LRRC4C: variants seen among roughly 807,000 people sequenced by gnomAD.
The protein encoded by LRRC4C is leucine rich repeat containing 4C.
In LRRC4C, 5 loss-of-function variants were observed where a neutral mutation model predicts 33.6. The ratio of observed to expected loss-of-function variants is 0.15; its 90% CI spans 0.08 to 0.31. The LOEUF (loss-of-function observed/expected upper bound fraction) is 0.31. Among genes scored for constraint, LRRC4C ranks in the 10% least tolerant of loss-of-function variants. The probability of loss-of-function intolerance (pLI) is 1.00; values close to 1 mark genes in which losing one functional copy is unlikely to be tolerated. For missense variants in LRRC4C, 560 were observed against 796.7 expected, an observed-to-expected ratio of 0.70 and a Z score of 3.58; for synonymous variants, 329 against 302.0, an observed-to-expected ratio of 1.09 and a Z score of -0.93.
chr11:41,336,708 T>C (rs1260038576), intron 1 of LRRC4C, among the ~76,000 whole-genome samples: 1 of 152,190 alleles, frequency 6.6e-6, no homozygotes, highest in Non-Finnish European at 1.5e-5. Context: ...CCCAGCTTCA[T>C]GTCTTCCCTC....
chr11:41,046,396 T>C (rs1190302371), intron 1 of LRRC4C, among the ~76,000 whole-genome samples: 1 of 152,072 alleles, frequency 6.6e-6, no homozygotes, highest in Non-Finnish European at 1.5e-5. Flanking sequence ...CCGGAGGGAT[T>C]ATAAAAATGA....
intron 2 of LRRC4C, among the ~76,000 whole-genome samples, chr11:40,726,164 C>T (rs1188865013): frequency 1.5e-5 from 2 of 136,334 alleles, no homozygotes; most frequent in South Asian, 4.8e-4. Flanking sequence ...ACCTATCAAC[C>T]AAAAAAAAAA....
chr11:41,410,402 G>GTT (rs1336824802), intron 1 of LRRC4C, among the ~76,000 whole-genome samples: 7 of 141,278 alleles, frequency 5.0e-5, no homozygotes, highest in Admixed American at 1.4e-4. Context: ...TAGTGAGAAA[G>GTT]TTTTTTTTTT....
At chr11:40,952,896 A>ACACACACT (rs1156767689) in intron 1 of LRRC4C, among the ~76,000 whole-genome samples, 20 of 70,228 alleles carry the variant, frequency 2.8e-4, no homozygotes, top group African/African-American at 7.4e-4. Flanking sequence ...ACACACACAC[A>ACACACACT]CTCTCTCTCT....
intron 3 of LRRC4C, among the ~76,000 whole-genome samples, chr11:40,382,140 T>C (rs1438105334): frequency 8.0e-6 from 1 of 125,370 alleles, no homozygotes; most frequent in East Asian, 2.1e-4. Flanking sequence ...TTTTTTTTTT[T>C]TTTTTTTTTT....
At chr11:41,075,990 C>T (rs928848942) in intron 1 of LRRC4C, among the ~76,000 whole-genome samples, 2 of 152,050 alleles carry the variant, frequency 1.3e-5, no homozygotes, top group African/African-American at 4.8e-5. Context: ...TCTATTTCAA[C>T]TTTCTACCCT....
intron 2 of LRRC4C, among the ~76,000 whole-genome samples, chr11:40,925,773 T>A (rs760661094): frequency 7.2e-5 from 11 of 152,172 alleles, no homozygotes; most frequent in Admixed American, 3.3e-4. Flanking sequence ...GTCTGTAAAT[T>A]GGAGATTATT....
At chr11:40,927,437 A>G (rs1457971989) in intron 2 of LRRC4C, among the ~76,000 whole-genome samples, 1 of 152,152 alleles carries the variant, frequency 6.6e-6, no homozygotes, top group Non-Finnish European at 1.5e-5. Flanking sequence ...CTTACTAAAG[A>G]TAACAAAATA....
At chr11:40,640,187 G>A (rs1396730132) in intron 3 of LRRC4C, among the ~76,000 whole-genome samples, 1 of 152,170 alleles carries the variant, frequency 6.6e-6, no homozygotes, top group Admixed American at 6.5e-5. Context: ...TCTTTTACAC[G>A]TATTTTTAAT....
intron 5 of LRRC4C, among the ~76,000 whole-genome samples, chr11:40,147,154 A>T (rs1857806240): frequency 6.6e-6 from 1 of 152,060 alleles, no homozygotes; most frequent in African/African-American, 2.4e-5. Flanking sequence ...CCTTCTCTCA[A>T]TTTAATAGTG....
chr11:41,059,572 A>G (rs974744117), intron 1 of LRRC4C, among the ~76,000 whole-genome samples: 1 of 152,060 alleles, frequency 6.6e-6, no homozygotes, highest in African/African-American at 2.4e-5. Context: ...TTGTTATTAT[A>G]AACTGTTTTA....
At chr11:41,117,824 T>A (rs1942217824) in intron 1 of LRRC4C, among the ~76,000 whole-genome samples, 2 of 152,106 alleles carry the variant, frequency 1.3e-5, no homozygotes, top group African/African-American at 4.8e-5. Context: ...TCAAGCAAAA[T>A]TCGCATTAGC....
chr11:40,316,574 A>T lies in LRRC4C; in HGVS notation c.-176+3054T>A, dbSNP rs923158240. On this transcript the variant is annotated intron_variant, in intron 4 of 6. Transcript: ENST00000528697. ...CAATGCTTACAGGCAACAGAAAATG[A>T]AGAGTTATGATAGTTAATCAAATGA... Among the ~76,000 whole-genome samples the T allele has an allele frequency of 2.6e-5, 4 of 152,124 alleles. No homozygotes were observed. In the South Asian group the frequency reaches 8.3e-4, roughly 32 times the overall value.
intron 3 of LRRC4C, among the ~76,000 whole-genome samples, chr11:40,602,406 G>A (rs1371288682): frequency 6.6e-6 from 1 of 152,040 alleles, no homozygotes; most frequent in Admixed American, 6.6e-5. Flanking sequence ...TGTGCAAATT[G>A]TGTTTATGAG....
rs559209324 is a variant in LRRC4C, at chr11:40,627,952, G to A, written c.-270+20190C>T. ...TTTTGGAGCAATTTGGCACCCTACC[G>A]AATTGTAATTTCCTTACATTGAAGT... On this transcript the variant is annotated intron_variant, in intron 3 of 6. Transcript: ENST00000528697. 3.1e-3 allele frequency among the ~76,000 whole-genome samples: 469 copies of A among 152,172 alleles called. 5 individuals are homozygous for A. The highest frequency in any genetic ancestry group is 0.011 in the African/African-American group (445 of 41,518).
In LRRC4C at chr11:40,325,550, C is replaced by A. The variant is rs112145686; in HGVS notation, c.-269-5829G>T. Among the ~76,000 whole-genome samples, 9 of 152,068 alleles carry A rather than the reference C, an allele frequency of 5.9e-5. 3 individuals carry two copies. The highest frequency in any genetic ancestry group is 2.2e-4 in the African/African-American group (9 of 41,490). On this transcript the variant is annotated intron_variant, in intron 3 of 6. Transcript: ENST00000528697. ...GGCTGAGCAGTGAGGGTCATTAGAGCCCAGAAGATAGAGGCTGCAGTAAGC... is the reference window on the plus strand; with the variant it reads ...GGCTGAGCAGTGAGGGTCATTAGAGACCAGAAGATAGAGGCTGCAGTAAGC...
intron 1 of LRRC4C, among the ~76,000 whole-genome samples, chr11:41,225,159 G>C (rs1947473774): frequency 1.3e-5 from 2 of 151,990 alleles, no homozygotes; most frequent in South Asian, 4.2e-4. Flanking sequence ...GATGTACGGG[G>C]GTAGGAAGAA....
chr11:40,194,947 C>A (rs112551851), intron 5 of LRRC4C, among the ~76,000 whole-genome samples: 1,769 of 151,844 alleles, frequency 0.012, 41 homozygotes, highest in South Asian at 0.081. Context: ...AACAATTAGC[C>A]GGGTGTGGTG....
Position 40,115,375 on chromosome 11 carries a change from G to A in LRRC4C, c.918C>T (p.Asn306=). 6.2e-7 allele frequency: 1 copy of A among 1,614,204 alleles called. No individual in the cohort carries two copies. The highest frequency in any genetic ancestry group is 1.3e-5 in the African/African-American group (1 of 75,064). The change falls in exon 7 of 7, where the codon AAC becomes AAT. Residue 306 remains asparagine, a synonymous_variant. Coordinates refer to ENST00000528697, the MANE Select transcript of LRRC4C (RefSeq NM_001258419.2). The surrounding 1 kb of genome is among the most constrained non-coding windows in gnomAD (Gnocchi z 6.7). Reference sequence around the variant, plus strand: ...ACCAGCTGAGCCACAGTATGTCACAGTTACAGTTCCAAGGGTTGTGATGTA... The same window carrying A: ...ACCAGCTGAGCCACAGTATGTCACAATTACAGTTCCAAGGGTTGTGATGTA... The part of the protein sequence containing the change: ...IHLHHNPWNC[N]CDILWLSWWI...
Sources: allele counts gnomAD v4.1 joint callset (sites outside exome capture counted in the v4.1 genomes callset), GRCh38; gene constraint gnomAD v4.1.1; non-coding constraint Gnocchi (gnomAD v3.1); transcripts MANE v1.5; gene names NCBI Gene and HGNC (gene_info 2026-07-23, HGNC 2026-07-21).